Variants in THSD7B observed in about 807,000 individuals in gnomAD.
The protein encoded by THSD7B is thrombospondin type 1 domain containing 7B, also known as thrombospondin type-1 domain-containing protein 7B.
Under a neutral mutation model 213.6 loss-of-function variants are expected in THSD7B, and 138 were observed. That is an observed-to-expected ratio of 0.65 (90% CI 0.56 to 0.74). The LOEUF (loss-of-function observed/expected upper bound fraction) is 0.74. Among genes scored for constraint, THSD7B ranks in the 30% least tolerant of loss-of-function variants. The pLI, the probability that THSD7B is intolerant of heterozygous loss-of-function variation, is 0.00. For synonymous variants in THSD7B, 742 were observed against 687.0 expected (o/e 1.08, Z -1.25); for missense variants, 1,931 against 1,991.5 (o/e 0.97, Z 0.58).
chr2:137,185,934 T>C (rs1317027443), intron 7 of THSD7B, among the ~76,000 whole-genome samples: 1 of 152,130 alleles, frequency 6.6e-6, no homozygotes, highest in Non-Finnish European at 1.5e-5. Context: ...AAAGCCATTC[T>C]GACTAAGATG....
At chr2:137,651,748 G>A (rs759179152) in intron 21 of THSD7B, among the ~76,000 whole-genome samples, 3 of 151,652 alleles carry the variant, frequency 2.0e-5, no homozygotes, top group Non-Finnish European at 4.4e-5. Context: ...ATTTTGGTTT[G>A]TTATATCTCC....
At chr2:137,187,560 C>T (rs1299056479) in intron 7 of THSD7B, among the ~76,000 whole-genome samples, 2 of 152,150 alleles carry the variant, frequency 1.3e-5, no homozygotes, top group Non-Finnish European at 2.9e-5. Context: ...AGACAGGTAT[C>T]TTCCTGATCT....
chr2:137,229,800 G>A (rs1167844116), intron 7 of THSD7B, among the ~76,000 whole-genome samples: 1 of 152,114 alleles, frequency 6.6e-6, no homozygotes, highest in Non-Finnish European at 1.5e-5. Context: ...GATCACACTT[G>A]TCATTCAGAG....
chr2:137,526,550 T>G (rs1680283418), intron 15 of THSD7B, among the ~76,000 whole-genome samples: 1 of 151,976 alleles, frequency 6.6e-6, no homozygotes, highest in African/African-American at 2.4e-5. Context: ...GCCTCCTGAG[T>G]AGCTGGGGCC....
intron 3 of THSD7B, among the ~76,000 whole-genome samples, chr2:137,089,383 A>ATATGT (rs1687908340): frequency 1.8e-5 from 2 of 111,064 alleles, no homozygotes; most frequent in African/African-American, 4.2e-5. Context: ...TATATATACT[A>ATATGT]GTGTGTATAT....
chr2:136,778,953 A>G (rs1190507098), intron 1 of THSD7B, among the ~76,000 whole-genome samples: 2 of 152,200 alleles, frequency 1.3e-5, no homozygotes, highest in African/African-American at 2.4e-5. Context: ...CATTTTTAAA[A>G]GAGACTCAGG....
intron 7 of THSD7B, among the ~76,000 whole-genome samples, chr2:137,222,785 C>T (rs1355176897): frequency 6.6e-6 from 1 of 152,144 alleles, no homozygotes; most frequent in Non-Finnish European, 1.5e-5. Flanking sequence ...CCACATAGCT[C>T]CCTTCAAATA....
At chr2:137,071,093 G>C (rs1020025051) in intron 3 of THSD7B, among the ~76,000 whole-genome samples, 2 of 152,158 alleles carry the variant, frequency 1.3e-5, no homozygotes, top group Non-Finnish European at 2.9e-5. Flanking sequence ...TGGAATGGCT[G>C]GGTCAAGTGG....
intron 5 of THSD7B, among the ~76,000 whole-genome samples, chr2:137,120,889 A>G (rs1008447290): frequency 4.7e-4 from 71 of 152,306 alleles, no homozygotes; most frequent in African/African-American, 1.7e-3. Context: ...CTCTTTTTGC[A>G]GAGGCAAACA....
intron 2 of THSD7B, among the ~76,000 whole-genome samples, chr2:136,885,720 G>A (rs1214673192): frequency 6.6e-6 from 1 of 152,130 alleles, no homozygotes; most frequent in Non-Finnish European, 1.5e-5. Flanking sequence ...AATACTTATT[G>A]AGTCCTTACT....
At chr2:136,837,527 G>C (rs756232470) in intron 1 of THSD7B, among the ~76,000 whole-genome samples, 1 of 152,164 alleles carries the variant, frequency 6.6e-6, no homozygotes. Flanking sequence ...GTCTAAAATA[G>C]CAACTCTGCC....
At chr2:137,241,775 A>G (rs1259982960) in intron 9 of THSD7B, among the ~76,000 whole-genome samples, 2 of 152,128 alleles carry the variant, frequency 1.3e-5, no homozygotes, top group African/African-American at 2.4e-5. Context: ...GCCAGGCATG[A>G]TGGTGCACCT....
intron 1 of THSD7B, among the ~76,000 whole-genome samples, chr2:136,844,345 G>A (rs923407187): frequency 1.3e-5 from 2 of 152,080 alleles, no homozygotes; most frequent in Non-Finnish European, 2.9e-5. Flanking sequence ...AGGAACTGGG[G>A]CCACTTGGTG....
intron 15 of THSD7B, among the ~76,000 whole-genome samples, chr2:137,509,273 C>A (rs1333032149): frequency 6.7e-6 from 1 of 148,958 alleles, no homozygotes; most frequent in Non-Finnish European, 1.5e-5. Flanking sequence ...TTCTTTCCTT[C>A]CTTCCTTTCT....
intron 20 of THSD7B, among the ~76,000 whole-genome samples, chr2:137,632,525 C>T (rs1682760872): frequency 6.6e-6 from 1 of 152,088 alleles, no homozygotes; most frequent in South Asian, 2.1e-4. Flanking sequence ...GGTATTGCTG[C>T]TGTTTATAGG....
chr2:137,569,376 G>T (rs1681307275), intron 16 of THSD7B, among the ~76,000 whole-genome samples: 1 of 152,130 alleles, frequency 6.6e-6, no homozygotes, highest in Non-Finnish European at 1.5e-5. Context: ...CTGTTTACAG[G>T]ATGGTGTCCC....
intron 7 of THSD7B, among the ~76,000 whole-genome samples, chr2:137,182,242 G>A (rs1044602250): frequency 2.0e-5 from 3 of 152,152 alleles, no homozygotes; most frequent in African/African-American, 4.8e-5. Context: ...AACTTGGCAG[G>A]GAGCACAGTC....
Position 137,186,782 on chromosome 2 carries a change from A to G in THSD7B, c.1723+15844A>G, listed in dbSNP as rs530836648. ...TGTAGTTTGATAGAAATAGTGTTGA[A>G]TCTATACATTGTTTTGAACAGTATG... is the stretch of plus-strand genomic sequence containing the variant. On this transcript the variant is annotated intron_variant, in intron 7 of 27. Transcript: ENST00000409968. Among the ~76,000 whole-genome samples the G allele has an allele frequency of 1.3e-4, 20 of 152,278 alleles. No homozygotes were observed. In the South Asian group the frequency reaches 4.1e-3, roughly 32 times the overall value.
intron 2 of THSD7B, among the ~76,000 whole-genome samples, chr2:136,908,878 A>C (rs1684213081): frequency 6.6e-6 from 1 of 152,106 alleles, no homozygotes. Flanking sequence ...GGAAGGATTA[A>C]TTAAAAGTGG....
Sources: gnomAD v4.1 joint callset for allele counts (sites outside exome capture counted in the v4.1 genomes callset) on GRCh38, gnomAD v4.1.1 for gene constraint, MANE v1.5 for transcripts, NCBI Gene and HGNC (gene_info 2026-07-23, HGNC 2026-07-21) for gene names.